Variants in TENM4 observed in about 807,000 individuals in gnomAD.
The protein encoded by TENM4 is teneurin transmembrane protein 4, also known as teneurin-4.
Under a neutral mutation model 243.3 loss-of-function variants are expected in TENM4, and 82 were observed. The ratio of observed to expected loss-of-function variants is 0.34; its 90% CI spans 0.28 to 0.40. The LOEUF (loss-of-function observed/expected upper bound fraction) is 0.40. Ranked by LOEUF, TENM4 falls within the 10% of genes least tolerant of loss-of-function variation. The probability of loss-of-function intolerance (pLI) is 1.00; values close to 1 mark genes in which losing one functional copy is unlikely to be tolerated. For synonymous variants in TENM4, 1,412 were observed against 1,456.3 expected, an observed-to-expected ratio of 0.97 and a Z score of 0.69; for missense variants, 3,138 against 3,673.3, an observed-to-expected ratio of 0.85 and a Z score of 3.77.
intron 19 of TENM4, among the ~76,000 whole-genome samples, chr11:78,751,599 C>T (rs1015564382): frequency 6.6e-6 from 1 of 152,136 alleles, no homozygotes; most frequent in Non-Finnish European, 1.5e-5. Flanking sequence ...GGTGGTTCGT[C>T]AGAACCTCTT....
At chr11:79,432,691 G>A (rs1366162034) in intron 1 of TENM4, among the ~76,000 whole-genome samples, 1 of 152,206 alleles carries the variant, frequency 6.6e-6, no homozygotes, top group African/African-American at 2.4e-5. Context: ...TTGCTTGCAT[G>A]ATAATGATGC....
At position 78,843,811 on chromosome 11, in the gene TENM4, G is replaced by A. The variant is rs78610438; in HGVS notation, c.1681+10293C>T. 5.6e-4 allele frequency among the ~76,000 whole-genome samples: 86 copies of A among 152,332 alleles called. 2 individuals are homozygous for A. The East Asian group carries it at 0.016, about 28-fold the overall frequency. ...GCCTTGGGATGCATAAAGTCCTGAG[G>A]ACAGAAAGAGCCTTCCTTAGCCAGG... is the stretch of plus-strand genomic sequence containing the variant. On this transcript the variant is annotated intron_variant, in intron 12 of 33. Coordinates refer to ENST00000278550, the MANE Select transcript of TENM4 (RefSeq NM_001098816.3).
intron 3 of TENM4, among the ~76,000 whole-genome samples, chr11:79,197,353 TAA>T (rs199979988): frequency 0.34 from 51,076 of 151,032 alleles, 9,046 homozygotes; most frequent in East Asian, 0.43. Context: ...TTTTTTTTTT[TAA>T]AAAGCCCCTG....
chr11:78,856,209 A>C (rs956729853), intron 10 of TENM4, 31 bp from the exon 11 acceptor site: 4 of 1,543,878 alleles, frequency 2.6e-6, no homozygotes, highest in Non-Finnish European at 3.5e-6. Flanking sequence ...GAAGACAAAG[A>C]CATCTCGGTT....
chr11:78,792,741 G>A lies in TENM4; in HGVS notation c.2180-5658C>T, dbSNP rs1231122051. On this transcript the variant is annotated intron_variant, in intron 15 of 33. Transcript: ENST00000278550. ...TGCGACTCTATCTCAGTGCCACGTT[G>A]TACACAGGTTATTTTGTTAAATATA... 2.0e-4 allele frequency among the ~76,000 whole-genome samples: 31 copies of A among 152,212 alleles called. 1 individual carries two copies. The highest frequency in any genetic ancestry group is 2.0e-3 in the Admixed American group (31 of 15,284).
intron 2 of TENM4, 120 bp downstream of exon 2, chr11:79,297,368 T>C (rs1856472773): frequency 6.6e-6 from 1 of 152,642 alleles, no homozygotes; most frequent in Admixed American, 6.5e-5. Flanking sequence ...CGTGCAATAC[T>C]GACTTGAATT....
chr11:79,163,733 T>A (rs544547947), intron 3 of TENM4, among the ~76,000 whole-genome samples: 3 of 150,992 alleles, frequency 2.0e-5, no homozygotes, highest in African/African-American at 7.3e-5. Context: ...TTTCTTTTTA[T>A]GTCTGAGTAA....
Position 79,138,567 on chromosome 11 carries a change from AAC to A in TENM4, c.-66+10141_-66+10142del, listed in dbSNP as rs1862170370. On this transcript the variant is annotated intron_variant, in intron 4 of 33. Transcript: ENST00000278550. ...ATATTATATTTATATAAATACATAA[AAC>A]ATATATTTATATAAATACATAAAAC... 9.8e-5 allele frequency among the ~76,000 whole-genome samples: 3 copies of A among 30,688 alleles called. 1 individual carries two copies. The highest frequency in any genetic ancestry group is 1.5e-4 in the African/African-American group (1 of 6,602). The allele number at this position is 30,688 out of a possible 152,430, so 20.1% of individuals were successfully genotyped here.
chr11:78,872,227 C>T (rs1391362448), intron 9 of TENM4, among the ~76,000 whole-genome samples: 6 of 152,198 alleles, frequency 3.9e-5, no homozygotes, highest in Non-Finnish European at 8.8e-5. Flanking sequence ...CCATTTCATC[C>T]TGATCAGGAC....
intron 1 of TENM4, among the ~76,000 whole-genome samples, chr11:79,354,637 AG>A (rs779598969): frequency 6.6e-6 from 1 of 152,210 alleles, no homozygotes; most frequent in Non-Finnish European, 1.5e-5. Context: ...CAAATACTTA[AG>A]TGTTCCTGTG....
At chr11:79,158,387 G>C (rs1453691744) in intron 3 of TENM4, among the ~76,000 whole-genome samples, 7 of 152,218 alleles carry the variant, frequency 4.6e-5, no homozygotes, top group African/African-American at 1.7e-4. Flanking sequence ...AAGATGGCTG[G>C]GGTTGAGCCT....
At chr11:79,311,566 AG>A (rs1195004229) in intron 1 of TENM4, among the ~76,000 whole-genome samples, 1 of 152,204 alleles carries the variant, frequency 6.6e-6, no homozygotes, top group Non-Finnish European at 1.5e-5. Context: ...CACAATATAC[AG>A]TTTTTTATGA....
chr11:79,186,211 G>A (rs1275056945), intron 3 of TENM4, among the ~76,000 whole-genome samples: 1 of 152,068 alleles, frequency 6.6e-6, no homozygotes. Flanking sequence ...TCTTATGCTT[G>A]TCATTGGCTA....
chr11:79,313,536 A>G (rs557220293), intron 1 of TENM4, among the ~76,000 whole-genome samples: 1 of 152,252 alleles, frequency 6.6e-6, no homozygotes, highest in Non-Finnish European at 1.5e-5. Context: ...TCACAGAAAG[A>G]GCTCCATTCC....
intron 4 of TENM4, among the ~76,000 whole-genome samples, chr11:79,146,371 T>C (rs1378305393): frequency 6.6e-6 from 1 of 152,124 alleles, no homozygotes; most frequent in Non-Finnish European, 1.5e-5. Context: ...CTTTGTCCTA[T>C]ACCTTGAGTG....
At chr11:78,803,027 T>C (rs556981895) in intron 15 of TENM4, among the ~76,000 whole-genome samples, 6 of 151,740 alleles carry the variant, frequency 4.0e-5, no homozygotes, top group Non-Finnish European at 7.4e-5. Context: ...CAAATCTTTT[T>C]TTCTTTTCTT....
chr11:78,853,893 A>G (rs947307525), intron 12 of TENM4, among the ~76,000 whole-genome samples: 5 of 152,208 alleles, frequency 3.3e-5, no homozygotes, highest in Non-Finnish European at 1.5e-5. Context: ...GCAGGAGAGA[A>G]GCAGCGGGCA....
At chr11:79,291,396 G>C (rs541716976) in intron 2 of TENM4, among the ~76,000 whole-genome samples, 4 of 152,166 alleles carry the variant, frequency 2.6e-5, no homozygotes, top group Non-Finnish European at 5.9e-5. Context: ...CTGTGGTACA[G>C]GCACACTGCC....
chr11:79,254,350 CTGATAGTGA>C (rs1855664543), intron 2 of TENM4, among the ~76,000 whole-genome samples: 2 of 152,192 alleles, frequency 1.3e-5, no homozygotes, highest in Admixed American at 1.3e-4. Flanking sequence ...TTTGTAAGGA[CTGATAGTGA>C]AACACCTCCT....
Sources: gnomAD v4.1 joint callset for allele counts (sites outside exome capture counted in the v4.1 genomes callset) on GRCh38, gnomAD v4.1.1 for gene constraint, MANE v1.5 for transcripts, NCBI Gene and HGNC (gene_info 2026-07-23, HGNC 2026-07-21) for gene names.